The following GALNT2 variants were observed in gnomAD, a reference collection of about 807,000 sequenced individuals.
GALNT2 encodes UDP-GalNAc:polypeptide N-acetylgalactosaminyltransferase 2.
GALNT2 carries 31 observed loss-of-function variants against 81.4 expected under a neutral mutation model. That is an observed-to-expected ratio of 0.38 (90% CI 0.29 to 0.51). GALNT2 has a LOEUF of 0.51. Ranked by LOEUF, GALNT2 falls within the 20% of genes least tolerant of loss-of-function variation. GALNT2 has a pLI of 0.87. For missense variants in GALNT2, 629 were observed against 765.7 expected, an observed-to-expected ratio of 0.82 and a Z score of 2.11; for synonymous variants, 303 against 287.4, an observed-to-expected ratio of 1.05 and a Z score of -0.55.
intron 3 of GALNT2, among the ~76,000 whole-genome samples, chr1:230,210,694 T>C (rs899630419): frequency 2.0e-5 from 3 of 152,236 alleles, no homozygotes; most frequent in African/African-American, 7.2e-5. Context: ...ACTTTTGAAA[T>C]GTCTGCCTTT....
intron 1 of GALNT2, among the ~76,000 whole-genome samples, chr1:230,126,108 A>T (rs1418425637): frequency 6.6e-6 from 1 of 152,230 alleles, no homozygotes; most frequent in African/African-American, 2.4e-5. Flanking sequence ...ACCCTGAGCC[A>T]CACTTGAAGA....
At chr1:230,061,847 C>T (rs1659056787) in intron 1 of GALNT2, among the ~76,000 whole-genome samples, 1 of 152,118 alleles carries the variant, frequency 6.6e-6, no homozygotes. Flanking sequence ...GGAGTGCTTT[C>T]CAGTGAAAAC....
intron 2 of GALNT2, among the ~76,000 whole-genome samples, chr1:230,184,815 A>G (rs1219642407): frequency 6.6e-6 from 1 of 152,090 alleles, no homozygotes; most frequent in African/African-American, 2.4e-5. Context: ...TATTGCTTCC[A>G]GTATTTCTCC....
intron 1 of GALNT2, among the ~76,000 whole-genome samples, chr1:230,105,889 G>C (rs1660529373): frequency 6.6e-6 from 1 of 151,982 alleles, no homozygotes; most frequent in African/African-American, 2.4e-5. Context: ...GCCAGATCCA[G>C]CGCTGTATCT....
At chr1:230,062,955 G>A (rs3124554), upstream of GALNT2, among the ~76,000 whole-genome samples, 1,224 of 152,124 alleles carry the variant, frequency 8.0e-3, 18 homozygotes, top group African/African-American at 0.029. Context: ...ACAGCAGTGC[G>A]TAAGGGTTCC....
At chr1:230,202,597 G>A (rs575370815) in intron 2 of GALNT2, among the ~76,000 whole-genome samples, 1 of 152,336 alleles carries the variant, frequency 6.6e-6, no homozygotes, top group South Asian at 2.1e-4. Context: ...TCCCCGTGGG[G>A]TCAGGCATAC....
chr1:230,185,111 T>TA lies in GALNT2; in HGVS notation c.220+6801dup, dbSNP rs557149817. Among the ~76,000 whole-genome samples the TA allele has an allele frequency of 1.2e-4, 19 of 152,334 alleles. No homozygotes were observed. In the South Asian group the frequency reaches 3.9e-3, roughly 32 times the overall value. ...TTCTCATAATTTCCATTTCGCTGCT[T>TA]ACATTATCTGTCTGTTCTTGTGTGT... is the stretch of plus-strand genomic sequence containing the variant. On this transcript the variant is annotated intron_variant, in intron 2 of 15. Coordinates refer to ENST00000366672, the MANE Select transcript of GALNT2 (RefSeq NM_004481.5).
intron 1 of GALNT2, among the ~76,000 whole-genome samples, chr1:230,084,937 C>T (rs1659854471): frequency 6.6e-6 from 1 of 152,132 alleles, no homozygotes; most frequent in Non-Finnish European, 1.5e-5. Context: ...GACATGCTGC[C>T]TTGCTCTTGC....
intron 2 of GALNT2, among the ~76,000 whole-genome samples, chr1:230,189,414 A>G (rs1663445021): frequency 1.3e-5 from 2 of 152,198 alleles, no homozygotes; most frequent in African/African-American, 4.8e-5. Flanking sequence ...GATGAATGAA[A>G]TGGGAATGAT....
intron 1 of GALNT2, among the ~76,000 whole-genome samples, chr1:230,140,822 C>T (rs778600120): frequency 6.6e-5 from 10 of 152,168 alleles, no homozygotes. Flanking sequence ...AATAATGTGA[C>T]TCCCAGTAGT....
At chr1:230,273,409 T>TA (rs1666203536) in intron 14 of GALNT2, among the ~76,000 whole-genome samples, 1 of 152,132 alleles carries the variant, frequency 6.6e-6, no homozygotes, top group African/African-American at 2.4e-5. Flanking sequence ...TGCTGGGGCT[T>TA]AGAGAGGAAG....
intron 1 of GALNT2, among the ~76,000 whole-genome samples, chr1:230,076,569 A>C (rs78785136): frequency 0.031 from 4,732 of 152,204 alleles, 152 homozygotes; most frequent in African/African-American, 0.079. Flanking sequence ...CTTCTGTGAT[A>C]GATAGTATTG....
intron 1 of GALNT2, among the ~76,000 whole-genome samples, chr1:230,076,770 G>A (rs913705643): frequency 6.6e-6 from 1 of 152,062 alleles, no homozygotes; most frequent in East Asian, 1.9e-4. Flanking sequence ...TAAAACCATT[G>A]GGATGGTTAG....
intron 1 of GALNT2, among the ~76,000 whole-genome samples, chr1:230,126,658 A>G (rs1008425117): frequency 6.6e-6 from 1 of 152,202 alleles, no homozygotes; most frequent in African/African-American, 2.4e-5. Flanking sequence ...AAGTGTGTGC[A>G]TGGGATTGTA....
chr1:230,072,730 A>G (rs1346615942), intron 1 of GALNT2, among the ~76,000 whole-genome samples: 2 of 152,186 alleles, frequency 1.3e-5, no homozygotes, highest in African/African-American at 4.8e-5. Context: ...CTCTGCCTTG[A>G]GACCCCCTGA....
At position 230,243,003 on chromosome 1, in the gene GALNT2, A is replaced by G. The variant is rs1259617439; in HGVS notation, c.608-303A>G. On this transcript the variant is annotated intron_variant, in intron 6 of 15. Coordinates refer to ENST00000366672, the MANE Select transcript of GALNT2 (RefSeq NM_004481.5). This position sits in a 1 kb window ranked among gnomAD's most constrained non-coding sequence, Gnocchi z 4.2. ...GCTGTGTCAGAGGAATGTAGTTATAAAAGTTCCACATTTTGGTTAGTTGAT... is the reference window on the plus strand; with the variant it reads ...GCTGTGTCAGAGGAATGTAGTTATAGAAGTTCCACATTTTGGTTAGTTGAT... Among the ~76,000 whole-genome samples the G allele has an allele frequency of 6.6e-6, 1 of 152,212 alleles. No homozygotes were observed. Among genetic ancestry groups the G allele is most frequent in the African/African-American group, 2.4e-5 (1 of 41,454 alleles).
chr1:230,121,213 A>G (rs1324085961), intron 1 of GALNT2, among the ~76,000 whole-genome samples: 5 of 152,208 alleles, frequency 3.3e-5, no homozygotes, highest in Admixed American at 6.5e-5. Context: ...TGCAAGAGCC[A>G]TGGTGCTGCA....
intron 1 of GALNT2, among the ~76,000 whole-genome samples, chr1:230,171,279 G>A (rs377022638): frequency 1.4e-4 from 21 of 152,334 alleles, no homozygotes; most frequent in African/African-American, 4.8e-4. Context: ...ATTTTAGTTA[G>A]TTTGTAATGT....
In GALNT2 at chr1:230,243,461, C is replaced by G; in HGVS notation, c.729+34C>G. 1 of 1,603,812 alleles carries G rather than the reference C, an allele frequency of 6.2e-7. No homozygotes were observed. The highest frequency in any genetic ancestry group is 8.5e-7 in the Non-Finnish European group (1 of 1,178,550). On this transcript the variant is annotated intron_variant, in intron 7 of 15. Transcript: ENST00000366672. The surrounding 1 kb of genome is among the most constrained non-coding windows in gnomAD (Gnocchi z 4.2). Reference sequence around the variant, plus strand: ...ACGGGGGCTGGGAGGGGTGTCAGGTCGTGGGTGGTTGGTAGAGGGGACAGA... The same window carrying G: ...ACGGGGGCTGGGAGGGGTGTCAGGTGGTGGGTGGTTGGTAGAGGGGACAGA...
Sources: gnomAD v4.1 joint callset for allele counts (sites outside exome capture counted in the v4.1 genomes callset) on GRCh38, gnomAD v4.1.1 for gene constraint, Gnocchi (gnomAD v3.1) non-coding constraint, MANE v1.5 for transcripts, NCBI Gene and HGNC (gene_info 2026-07-23, HGNC 2026-07-21) for gene names.